The following CEP85L variants were observed in gnomAD, a reference collection of about 807,000 sequenced individuals.
The protein encoded by CEP85L is centrosomal protein of 85 kDa-like.
A neutral mutation model predicts 100.3 loss-of-function variants in CEP85L; 60 were observed. The ratio of observed to expected loss-of-function variants is 0.60; its 90% confidence interval spans 0.49 to 0.74. The LOEUF is 0.74. CEP85L is among the 30% of genes least tolerant of loss of function. The pLI is 0.00. For missense variants in CEP85L, 973 were observed against 936.2 expected (o/e 1.04, Z -0.51); for synonymous variants, 319 against 322.7 (o/e 0.99, Z 0.12).
chr6:118,703,913 A>T (rs1777509926), intron 1 of CEP85L, among the ~76,000 whole-genome samples: 2 of 152,230 alleles, frequency 1.3e-5, no homozygotes, highest in Non-Finnish European at 2.9e-5. Context: ...ATTAGATAAT[A>T]CATGTATATA....
chr6:118,610,122 T>C (rs1583162256), intron 2 of CEP85L, among the ~76,000 whole-genome samples: 1 of 152,284 alleles, frequency 6.6e-6, no homozygotes, highest in African/African-American at 2.4e-5. Context: ...TAGAGTTACC[T>C]CCAATTTAGA....
Position 118,464,307 on chromosome 6 carries a change from C to T in CEP85L, c.*1098G>A, listed in dbSNP as rs781327515. 5.9e-5 allele frequency: 9 copies of T among 152,084 alleles called. No individual in the cohort carries two copies. Among genetic ancestry groups the T allele is most frequent in the Admixed American group, 5.9e-4 (9 of 15,250 alleles). 9.4% of individuals were successfully genotyped at this position (152,084 alleles called of 1,614,324 possible). On this transcript the variant is annotated 3_prime_UTR_variant, in exon 13 of 13. Coordinates refer to ENST00000368491, the MANE Select transcript of CEP85L (RefSeq NM_001042475.3). ...TGTAATTCAGATTAAGAACTAATTT[C>T]GCCAAGTTCATATCCTGTGAAAAAC... is the stretch of plus-strand genomic sequence containing the variant.
chr6:118,637,878 A>C (rs1450124627), intron 1 of CEP85L, among the ~76,000 whole-genome samples: 1 of 152,126 alleles, frequency 6.6e-6, no homozygotes, highest in Non-Finnish European at 1.5e-5. Flanking sequence ...ACAAACCCCA[A>C]AGGGAAAAAC....
chr6:118,690,570 T>C (rs959634798), intron 1 of CEP85L, among the ~76,000 whole-genome samples: 3 of 152,262 alleles, frequency 2.0e-5, no homozygotes, highest in Admixed American at 1.3e-4. Context: ...TATGTAACTT[T>C]GCTGAAACCA....
At chr6:118,579,526 TGTAA>T (rs904530902) in intron 2 of CEP85L, among the ~76,000 whole-genome samples, 29 of 152,382 alleles carry the variant, frequency 1.9e-4, no homozygotes, top group Middle Eastern at 3.4e-3. Flanking sequence ...TGTAGAGAGC[TGTAA>T]GTGTTACTTC....
intron 2 of CEP85L, among the ~76,000 whole-genome samples, chr6:118,615,124 C>T (rs887077558): frequency 1.3e-5 from 2 of 151,950 alleles, no homozygotes; most frequent in African/African-American, 4.8e-5. Flanking sequence ...AAGAACATAC[C>T]ATGTTCATAG....
chr6:118,585,274 T>G (rs1157293678), intron 2 of CEP85L, among the ~76,000 whole-genome samples: 1 of 152,250 alleles, frequency 6.6e-6, no homozygotes, highest in African/African-American at 2.4e-5. Flanking sequence ...TGCTGCCATT[T>G]GGAACGAAAG....
At chr6:118,539,060 A>G (rs1301620631) in intron 3 of CEP85L, among the ~76,000 whole-genome samples, 3 of 152,174 alleles carry the variant, frequency 2.0e-5, no homozygotes, top group African/African-American at 7.2e-5. Flanking sequence ...TTACTACACT[A>G]TATAACCAGC....
intron 2 of CEP85L, among the ~76,000 whole-genome samples, chr6:118,586,947 C>T (rs533285069): frequency 1.1e-4 from 16 of 152,324 alleles, no homozygotes; most frequent in Admixed American, 1.0e-3. Flanking sequence ...ATTAACCTCA[C>T]AGCAGGAATA....
At chr6:118,612,676 CGGGGGGGG>C (rs55782430) in intron 2 of CEP85L, among the ~76,000 whole-genome samples, 41,141 of 77,498 alleles carry the variant, frequency 0.53, 12,317 homozygotes, top group African/African-American at 0.64. Context: ...AAAAAAAAAG[CGGGGGGGG>C]GGGGGGGGGA....
chr6:118,701,201 C>T (rs1217902979), intron 1 of CEP85L, among the ~76,000 whole-genome samples: 1 of 152,156 alleles, frequency 6.6e-6, no homozygotes, highest in Non-Finnish European at 1.5e-5. Context: ...TAAATTAGTT[C>T]AGCCACTGTG....
At position 118,651,582 on chromosome 6, in the gene CEP85L, C is replaced by T; in HGVS notation, c.-313G>A. 9.1e-7 allele frequency: 1 copy of T among 1,099,224 alleles called. No homozygotes were observed. The highest frequency in any genetic ancestry group is 1.1e-6 in the Non-Finnish European group (1 of 903,002). 68.1% of individuals were successfully genotyped at this position (1,099,224 alleles called of 1,614,324 possible). On this transcript the variant is annotated 5_prime_UTR_variant, in exon 1 of 13. Transcript: ENST00000368491. ...AAGGCTCCAGGCGAAGTTGCAGCTG[C>T]GGGTTCTCTCCGCCCCCTCCGCCGG...
At chr6:118,476,148 T>C (rs1254926148) in intron 10 of CEP85L, among the ~76,000 whole-genome samples, 1 of 152,164 alleles carries the variant, frequency 6.6e-6, no homozygotes, top group Non-Finnish European at 1.5e-5. Context: ...GCGACATAAC[T>C]GATTTTTCAA....
chr6:118,511,735 A>T (rs912011430), intron 4 of CEP85L, among the ~76,000 whole-genome samples: 3 of 152,212 alleles, frequency 2.0e-5, no homozygotes, highest in Admixed American at 2.0e-4. Context: ...TAATAAAGAT[A>T]GTATGAGTAA....
chr6:118,689,569 A>G (rs986669915), intron 1 of CEP85L, among the ~76,000 whole-genome samples: 1 of 152,340 alleles, frequency 6.6e-6, no homozygotes, highest in African/African-American at 2.4e-5. Context: ...AAATCAATAA[A>G]TTAATGACTA....
intron 5 of CEP85L, chr6:118,501,607 T>C (rs1212753637): frequency 6.7e-6 from 4 of 600,780 alleles, no homozygotes; most frequent in Non-Finnish European, 1.3e-5. Context: ...CAATATGTAC[T>C]AATGCCATGA....
chr6:118,521,182 C>A lies in CEP85L; in HGVS notation c.1139+2620G>T, dbSNP rs535308099. ...CTTTCAATTCCATCCAATTGGACAC[C>A]AAATCCCATGAAGTCTGGCTCTGAA... is the stretch of plus-strand genomic sequence containing the variant. On this transcript the variant is annotated intron_variant, in intron 4 of 12. Coordinates refer to ENST00000368491, the MANE Select transcript of CEP85L (RefSeq NM_001042475.3). Among the ~76,000 whole-genome samples, 12 of 152,226 alleles carry A rather than the reference C, an allele frequency of 7.9e-5. No homozygotes were observed. In the East Asian group the frequency reaches 2.3e-3, roughly 29 times the overall value.
intron 2 of CEP85L, among the ~76,000 whole-genome samples, chr6:118,619,684 G>A (rs1488260891): frequency 1.3e-5 from 2 of 152,252 alleles, no homozygotes; most frequent in African/African-American, 2.4e-5. Flanking sequence ...CTCACTCTCA[G>A]ATTTAAAACA....
Position 118,651,188 on chromosome 6 carries a change from G to C in CEP85L, c.73+9C>G, listed in dbSNP as rs546356625. The C allele has an allele frequency of 4.0e-6, 6 of 1,495,346 alleles. No individual in the cohort carries two copies. In the Admixed American group the frequency reaches 1.1e-4, roughly 27 times the overall value. The allele number at this position is 1,495,346 out of a possible 1,614,324, so 92.6% of individuals were successfully genotyped here. A position where few individuals can be genotyped will look rare whatever the true frequency, so the allele number is the denominator to read the frequency against. ...CCCACCCCAGCCGGGGCGCTGTCCC[G>C]TTCCTTACCGGCAGGGAAGCTGCGG... On this transcript the variant is annotated intron_variant, in intron 1 of 12. Transcript: ENST00000368491.
Sources: allele counts gnomAD v4.1 joint callset (sites outside exome capture counted in the v4.1 genomes callset), GRCh38; gene constraint gnomAD v4.1.1; transcripts MANE v1.5; gene names NCBI Gene and HGNC (gene_info 2026-07-23, HGNC 2026-07-21).